FANCA: variants seen among roughly 807,000 people sequenced by gnomAD.
FANCA encodes the protein FA complementation group A.
Under a neutral mutation model 194.3 loss-of-function variants are expected in FANCA, and 236 were observed. The observed-to-expected ratio is 1.21, with a 90% CI of 1.09 to 1.35. FANCA has a LOEUF of 1.35. Ranked by LOEUF, FANCA falls within the 40% of genes most tolerant of loss-of-function variation. FANCA has a pLI of 0.00. For synonymous variants in FANCA, 1,014 were observed against 715.8 expected (o/e 1.42, Z -6.65); for missense variants, 2,628 against 1,813.9 (o/e 1.45, Z -8.15).
At chr16:89,746,515 T>C in intron 35 of FANCA, 69 bp downstream of exon 35, 1 of 1,226,898 alleles carries the variant, frequency 8.2e-7, no homozygotes, top group South Asian at 1.2e-5. Flanking sequence ...GCTGCAGAGA[T>C]GCCAGAGGCA....
intron 27 of FANCA, among the ~76,000 whole-genome samples, chr16:89,766,847 G>A (rs1315316002): frequency 6.6e-6 from 1 of 151,986 alleles, no homozygotes; most frequent in East Asian, 1.9e-4. Context: ...TCCTATAAAT[G>A]CCAACATCTA....
At chr16:89,814,287 C>T (rs191367494) in intron 3 of FANCA, among the ~76,000 whole-genome samples, 2 of 152,338 alleles carry the variant, frequency 1.3e-5, no homozygotes, top group African/African-American at 4.8e-5. Context: ...AAGGGACACT[C>T]TGGGTCCTAC....
Position 89,784,854 on chromosome 16 carries a change from C to G in FANCA, c.1470G>C (p.Gln490His), listed in dbSNP as rs2039844218. ...LVPFESPRYL[Q>H]VHILHPPLVP... ...ATGGATGTGGCAGCCAGCTTCTCAC[C>G]TGCAGGTACCGGGGAGACTCAAAAG... Residue 490 changes from glutamine to histidine, a missense_variant and splice_region_variant, in exon 15 of 43, where the codon CAG becomes CAC. Physicochemically the swap from Gln to His is conservative, Grantham distance 24. Transcript: ENST00000389301. The G allele has an allele frequency of 1.2e-6, 2 of 1,611,198 alleles. No homozygotes were observed. The highest frequency in any genetic ancestry group is 1.7e-6 in the Non-Finnish European group (2 of 1,177,314).
chr16:89,814,617 G>A lies in FANCA; in HGVS notation c.190-4C>T. The A allele has an allele frequency of 1.2e-6, 2 of 1,608,602 alleles. No individual in the cohort carries two copies. The highest frequency in any genetic ancestry group is 2.2e-5 in the South Asian group (2 of 90,958). Reference sequence around the variant, plus strand: ...TTTTACACAGTGGACCTTCTACCTAGAATCCAAAACACAACAAACTCCATT... The same window carrying A: ...TTTTACACAGTGGACCTTCTACCTAAAATCCAAAACACAACAAACTCCATT... On this transcript the variant is annotated splice_polypyrimidine_tract_variant and splice_region_variant and intron_variant, in intron 2 of 42. Transcript: ENST00000389301.
intron 20 of FANCA, among the ~76,000 whole-genome samples, chr16:89,776,427 A>G (rs1436611834): frequency 6.6e-6 from 1 of 151,534 alleles, no homozygotes; most frequent in Non-Finnish European, 1.5e-5. Context: ...TCAGCCTCCC[A>G]AAGTGCTGGG....
At position 89,758,656 on chromosome 16, in the gene FANCA, A is replaced by C; in HGVS notation, c.2902T>G (p.Ser968Ala). 6.2e-7 allele frequency: 1 copy of C among 1,614,056 alleles called. No homozygotes were observed. Residue 968 changes from serine (S) to alanine (A), a missense_variant, in exon 30 of 43, where the codon TCG becomes GCG. By Grantham distance (99) the Ser-to-Ala change is moderately conservative (BLOSUM62 1). Coordinates refer to ENST00000389301, the MANE Select transcript of FANCA (RefSeq NM_000135.4). ...AIHEHFLPES[S>A]ASGGCDGDLQ... ...TCTCCGTCACAGCCCCCTGAAGCCG[A>C]GGACTCAGGGAGAAAGTGCTCATGG...
intron 3 of FANCA, among the ~76,000 whole-genome samples, chr16:89,812,666 A>AAAAAAAAAAAAAAAAAAAAAAAAAAC (rs1256354674): frequency 6.8e-6 from 1 of 147,782 alleles, no homozygotes; most frequent in Non-Finnish European, 1.5e-5. Context: ...AAAAAAAAAA[A>AAAAAAAAAAAAAAAAAAAAAAAAAAC]AAAACTGTTA....
chr16:89,802,966 C>G (rs1346445329), intron 8 of FANCA, among the ~76,000 whole-genome samples: 5 of 152,144 alleles, frequency 3.3e-5, no homozygotes, highest in Non-Finnish European at 7.3e-5. Flanking sequence ...GAAGTAAGTT[C>G]TAATGTTCCA....
rs373785724 is a variant in FANCA at position 89,773,401 on chromosome 16, G to A, written c.1901-17C>T. On this transcript the variant is annotated splice_polypyrimidine_tract_variant and intron_variant, in intron 21 of 42. Coordinates refer to ENST00000389301, the MANE Select transcript of FANCA (RefSeq NM_000135.4). ...GGGCTGCATCTGTGAGAAGAAGGAA[G>A]AAACCAGATGGAAAGACACTCAACA... The A allele has an allele frequency of 1.3e-6, 2 of 1,518,560 alleles. No individual in the cohort carries two copies. Among genetic ancestry groups the A allele is most frequent in the Non-Finnish European group, 1.8e-6 (2 of 1,117,260 alleles). The allele number at this position is 1,518,560 out of a possible 1,614,324, so 94.1% of individuals were successfully genotyped here. A position where few individuals can be genotyped will look rare whatever the true frequency, so the allele number is the denominator to read the frequency against.
At chr16:89,816,392 G>C in intron 1 of FANCA, 145 bp downstream of exon 1, 2 of 601,790 alleles carry the variant, frequency 3.3e-6, no homozygotes, top group Non-Finnish European at 2.4e-6. Context: ...CGCCGCCCCA[G>C]CCGGGCGCCC....
Position 89,738,636 on chromosome 16 carries a change from CA to C in FANCA, c.4332del (p.Asp1445ThrfsTer26). 6.2e-7 allele frequency: 1 copy of C among 1,613,684 alleles called. No individual in the cohort carries two copies. The highest frequency in any genetic ancestry group is 1.3e-5 in the African/African-American group (1 of 75,044). The stretch of plus-strand genomic sequence containing the variant: ...TGAGGCTCCTGGGACAGGTCAGCGT[CA>C]GGGGCAGCCTGCTGTCTGCTCTGGA... ...AALQSRQQAA[P>X]DADLSQEPHL... On this transcript the variant is annotated frameshift_variant, in exon 43 of 43. Transcript: ENST00000389301. LOFTEE classifies it high-confidence loss of function.
rs899604473 is a variant in FANCA, at chr16:89,765,076, A to G, written c.2602-10T>C. On this transcript the variant is annotated splice_polypyrimidine_tract_variant and intron_variant, in intron 27 of 42. Coordinates refer to ENST00000389301, the MANE Select transcript of FANCA (RefSeq NM_000135.4). ...ACATGAGGAACTGAAACTGAAACAGAGAGTGACCCGGCCGTTTCTTCATTG... is the reference window on the plus strand; with the variant it reads ...ACATGAGGAACTGAAACTGAAACAGGGAGTGACCCGGCCGTTTCTTCATTG... The G allele has an allele frequency of 8.1e-6, 13 of 1,613,690 alleles. No homozygotes were observed. Among genetic ancestry groups the G allele is most frequent in the African/African-American group, 1.3e-5 (1 of 74,938 alleles).
At chr16:89,808,057 C>G (rs2040726828) in intron 6 of FANCA, among the ~76,000 whole-genome samples, 1 of 6,722 alleles carries the variant, frequency 1.5e-4, no homozygotes, top group African/African-American at 5.4e-4. Context: ...GACTCCGTCT[C>G]AAAAAAAAAA....
At chr16:89,790,991 G>A (rs996995709) in intron 14 of FANCA, 2 of 257,856 alleles carry the variant, frequency 7.8e-6, no homozygotes, top group African/African-American at 4.8e-5. Context: ...CACCACACCT[G>A]CGTAGTTTTT....
intron 30 of FANCA, among the ~76,000 whole-genome samples, chr16:89,755,044 A>C (rs982458525): frequency 1.3e-5 from 2 of 152,190 alleles, no homozygotes; most frequent in African/African-American, 4.8e-5. Context: ...CATACAGACC[A>C]AGGGAACACA....
chr16:89,807,940 C>G (rs1274101052), intron 6 of FANCA, among the ~76,000 whole-genome samples: 1 of 152,006 alleles, frequency 6.6e-6, no homozygotes, highest in Non-Finnish European at 1.5e-5. Context: ...CGCCTGTAAT[C>G]CCAGCGACTT....
chr16:89,783,781 G>C (rs1371360457), intron 15 of FANCA, among the ~76,000 whole-genome samples: 1 of 151,878 alleles, frequency 6.6e-6, no homozygotes, highest in Admixed American at 6.6e-5. Flanking sequence ...TTTTTCTTTT[G>C]AGAGGGAGTT....
At chr16:89,760,156 G>A (rs2038904565) in intron 29 of FANCA, among the ~76,000 whole-genome samples, 1 of 152,260 alleles carries the variant, frequency 6.6e-6, no homozygotes, top group South Asian at 2.1e-4. Flanking sequence ...GATGCAGCAT[G>A]ACCTCATGCA....
At position 89,738,449 on chromosome 16, in the gene FANCA, G is replaced by T. The variant is rs2062022910; in HGVS notation, c.*152C>A. ...TTTCCCGCAAACGCTGAGTGACTCG[G>T]GGCCGGACAGTTCATAAATAATTGA... On this transcript the variant is annotated 3_prime_UTR_variant, in exon 43 of 43. Coordinates refer to ENST00000389301, the MANE Select transcript of FANCA (RefSeq NM_000135.4). 6 of 1,397,848 alleles carry T rather than the reference G, an allele frequency of 4.3e-6. No individual in the cohort carries two copies. The highest frequency in any genetic ancestry group is 2.0e-5 in the Admixed American group (1 of 50,648). 86.6% of individuals were successfully genotyped at this position (1,397,848 alleles called of 1,614,324 possible).
Sources: allele counts gnomAD v4.1 joint callset (sites outside exome capture counted in the v4.1 genomes callset), GRCh38; gene constraint gnomAD v4.1.1; transcripts MANE v1.5; gene names NCBI Gene and HGNC (gene_info 2026-07-23, HGNC 2026-07-21).